The following PDS5B variants were observed in gnomAD, a reference collection of about 807,000 sequenced individuals.
The protein encoded by PDS5B is PDS5 cohesin associated factor B, also known as sister chromatid cohesion protein PDS5 homolog B.
PDS5B carries 51 observed loss-of-function variants against 184.1 expected under a neutral mutation model. The observed-to-expected ratio is 0.28, with a 90% confidence interval of 0.22 to 0.35. The LOEUF (loss-of-function observed/expected upper bound fraction) is 0.35, where lower values mean the gene tolerates loss of function less well. Among genes scored for constraint, PDS5B ranks in the 10% least tolerant of loss-of-function variants. PDS5B has a pLI of 1.00. For synonymous variants in PDS5B, 566 were observed against 569.2 expected, an observed-to-expected ratio of 0.99 and a Z score of 0.08; for missense variants, 1,180 against 1,723.3, an observed-to-expected ratio of 0.68 and a Z score of 5.58.
intron 31 of PDS5B, 69 bp from the exon 32 acceptor site, chr13:32,770,052 G>T: frequency 1.4e-6 from 2 of 1,394,874 alleles, no homozygotes; most frequent in African/African-American, 1.5e-5. Context: ...AGATTTTTTT[G>T]TTTCATTCCT....
chr13:32,706,437 AC>A, intron 17 of PDS5B, among the ~76,000 whole-genome samples: 1 of 152,200 alleles, frequency 6.6e-6, no homozygotes, highest in East Asian at 1.9e-4. Flanking sequence ...TATGTCTGTT[AC>A]CTAGGATTCT....
At chr13:32,709,837 A>AT in intron 18 of PDS5B, 109 bp from the exon 19 acceptor site, 12 of 609,680 alleles carry the variant, frequency 2.0e-5, no homozygotes, top group Non-Finnish European at 2.7e-5. Flanking sequence ...GGTCAACATA[A>AT]TTTTTTTTAA....
intron 15 of PDS5B, among the ~76,000 whole-genome samples, chr13:32,698,952 A>G (rs1163032123): frequency 2.0e-5 from 3 of 152,020 alleles, no homozygotes; most frequent in Admixed American, 6.6e-5. Flanking sequence ...ACAGGGTTTC[A>G]CCATCTTGGC....
At chr13:32,679,789 A>G (rs1391772653) in intron 10 of PDS5B, among the ~76,000 whole-genome samples, 6 of 152,070 alleles carry the variant, frequency 3.9e-5, no homozygotes, top group Non-Finnish European at 7.4e-5. Flanking sequence ...TCTGCTCTAC[A>G]GCATTGACCT....
intron 22 of PDS5B, among the ~76,000 whole-genome samples, chr13:32,741,713 G>A (rs1171828120): frequency 6.6e-6 from 1 of 150,668 alleles, no homozygotes; most frequent in Non-Finnish European, 1.5e-5. Context: ...GTGTGTGTGT[G>A]TGTGTGTGTG....
chr13:32,756,203 T>G (rs1033858181), intron 26 of PDS5B, among the ~76,000 whole-genome samples: 6 of 152,314 alleles, frequency 3.9e-5, no homozygotes, highest in Middle Eastern at 3.4e-3. Context: ...GGTGTTCCTT[T>G]TCTATTGAAG....
chr13:32,711,524 A>T (rs945378195), intron 19 of PDS5B, among the ~76,000 whole-genome samples: 2 of 151,704 alleles, frequency 1.3e-5, no homozygotes, highest in East Asian at 3.9e-4. Flanking sequence ...CACCTGGCTA[A>T]TTTTTGTATT....
chr13:32,666,627 A>C (rs578027903), intron 6 of PDS5B, among the ~76,000 whole-genome samples: 1 of 152,166 alleles, frequency 6.6e-6, no homozygotes, highest in Non-Finnish European at 1.5e-5. Flanking sequence ...AAAAGTCTCC[A>C]TACTTTGACA....
rs1448343235 is a variant in PDS5B at position 32,742,616 on chromosome 13, G to A, written c.2501G>A (p.Arg834Gln). 4 of 1,611,506 alleles carry A rather than the reference G, an allele frequency of 2.5e-6. No homozygotes were observed. The highest frequency in any genetic ancestry group is 3.4e-6 in the Non-Finnish European group (4 of 1,178,130). The change falls in exon 23 of 35, where the codon CGA (arginine) becomes CAA (glutamine). Residue 834 changes from arginine (R) to glutamine (Q), a missense_variant. By Grantham distance (43) the Arg-to-Gln change is conservative (BLOSUM62 1). Transcript: ENST00000315596. ...ATTCAGGCTATTAAAATGATGGTTCGATGGCTACTTGGAATGAAAAATAAT... is the reference window on the plus strand; with the variant it reads ...ATTCAGGCTATTAAAATGATGGTTCAATGGCTACTTGGAATGAAAAATAAT... ...VKIQAIKMMVRWLLGMKNNHS... is the reference protein window; with the variant it reads ...VKIQAIKMMVQWLLGMKNNHS...
chr13:32,734,680 CAT>C (rs1277385369), intron 20 of PDS5B, among the ~76,000 whole-genome samples: 1 of 152,180 alleles, frequency 6.6e-6, no homozygotes, highest in Non-Finnish European at 1.5e-5. Context: ...GTGGAGAAGA[CAT>C]ATTGCTCATA....
At position 32,745,826 on chromosome 13, in the gene PDS5B, A is replaced by C. The variant is rs1953722941; in HGVS notation, c.2613-151A>C. On this transcript the variant is annotated intron_variant, in intron 23 of 34. Transcript: ENST00000315596. ...ACTATCTCCTAGGTACTTGCATTTC[A>C]ACATAGGAATTTTGGGGGACACAAA... is the stretch of plus-strand genomic sequence containing the variant. The C allele has an allele frequency of 5.9e-5, 38 of 640,674 alleles. No individual in the cohort carries two copies. The South Asian group carries it at 6.8e-4, about 11-fold the overall frequency. 39.7% of individuals were successfully genotyped at this position (640,674 alleles called of 1,614,324 possible).
chr13:32,627,433 T>G (rs1004123968), intron 1 of PDS5B, among the ~76,000 whole-genome samples: 2 of 152,238 alleles, frequency 1.3e-5, no homozygotes, highest in African/African-American at 2.4e-5. Flanking sequence ...AATTTATTTC[T>G]GAATGGTACT....
At chr13:32,708,625 A>G (rs1952105994) in intron 18 of PDS5B, among the ~76,000 whole-genome samples, 1 of 152,160 alleles carries the variant, frequency 6.6e-6, no homozygotes, top group South Asian at 2.1e-4. Context: ...CAAAATATGG[A>G]ATATAATACA....
At chr13:32,592,200 G>A (rs1287911035) in intron 1 of PDS5B, among the ~76,000 whole-genome samples, 2 of 152,074 alleles carry the variant, frequency 1.3e-5, no homozygotes, top group African/African-American at 4.8e-5. Flanking sequence ...TGTCAGGCAT[G>A]GCAGCCTGGA....
rs116480501 is a variant in PDS5B at position 32,628,404 on chromosome 13, C to T, written c.-19-20350C>T. On this transcript the variant is annotated intron_variant, in intron 1 of 34. Coordinates refer to ENST00000315596, the MANE Select transcript of PDS5B (RefSeq NM_015032.4). ...CCCCGTCTCTACAAAAAATACAAGCCGGATGTGGTGGCAGGTGCCTGTAAT... is the reference window on the plus strand; with the variant it reads ...CCCCGTCTCTACAAAAAATACAAGCTGGATGTGGTGGCAGGTGCCTGTAAT... 8.5e-3 allele frequency among the ~76,000 whole-genome samples: 1,296 copies of T among 151,870 alleles called. 21 individuals are homozygous for T. The highest frequency in any genetic ancestry group is 0.03 in the African/African-American group (1,247 of 41,434).
At chr13:32,714,799 T>G (rs2140904264) in intron 19 of PDS5B, among the ~76,000 whole-genome samples, 1 of 152,268 alleles carries the variant, frequency 6.6e-6, no homozygotes, top group South Asian at 2.1e-4. Flanking sequence ...CAAACACACA[T>G]GCTATATAAT....
chr13:32,689,409 T>C (rs1299845751), intron 13 of PDS5B: 1 of 152,156 alleles, frequency 6.6e-6, no homozygotes, highest in Non-Finnish European at 1.5e-5. Context: ...AATACACATT[T>C]TTTTTTCCTA....
At chr13:32,670,526 C>A (rs1950909151) in intron 7 of PDS5B, among the ~76,000 whole-genome samples, 1 of 152,056 alleles carries the variant, frequency 6.6e-6, no homozygotes, top group Admixed American at 6.5e-5. Flanking sequence ...CCATGCCCAG[C>A]CTAGGTTATT....
At chr13:32,687,928 C>T (rs1238245997) in intron 12 of PDS5B, among the ~76,000 whole-genome samples, 1 of 152,056 alleles carries the variant, frequency 6.6e-6, no homozygotes, top group Non-Finnish European at 1.5e-5. Flanking sequence ...ATACTAAAAA[C>T]TGGATTATCT....
Sources: allele counts gnomAD v4.1 joint callset (sites outside exome capture counted in the v4.1 genomes callset), GRCh38; gene constraint gnomAD v4.1.1; transcripts MANE v1.5; gene names NCBI Gene and HGNC (gene_info 2026-07-23, HGNC 2026-07-21).